The following MEOX2 variants were observed in gnomAD, a reference collection of about 807,000 sequenced individuals.
MEOX2 encodes the protein homeobox protein MOX-2.
A neutral mutation model predicts 27.0 loss-of-function variants in MEOX2; 11 were observed. The ratio of observed to expected loss-of-function variants is 0.41; its 90% CI spans 0.26 to 0.68. The LOEUF (loss-of-function observed/expected upper bound fraction) is 0.68, where lower values mean the gene tolerates loss of function less well. Among genes scored for constraint, MEOX2 ranks in the 30% least tolerant of loss-of-function variants. The pLI, the probability that MEOX2 is intolerant of heterozygous loss-of-function variation, is 0.33. For missense variants in MEOX2, 436 were observed against 385.4 expected (o/e 1.13, Z -1.10); for synonymous variants, 189 against 155.4 (o/e 1.22, Z -1.61).
At chr7:15,626,115 T>C (rs1184687271) in intron 2 of MEOX2, among the ~76,000 whole-genome samples, 1 of 152,106 alleles carries the variant, frequency 6.6e-6, no homozygotes, top group Admixed American at 6.6e-5. Flanking sequence ...TAAATAGAAG[T>C]GACATGGCTA....
At position 15,627,703 on chromosome 7, in the gene MEOX2, T is replaced by C. The variant is rs145692220; in HGVS notation, c.518-785A>G. On this transcript the variant is annotated intron_variant, in intron 1 of 2. Coordinates refer to ENST00000262041, the MANE Select transcript of MEOX2 (RefSeq NM_005924.5). ...TCCATTTTTCCTCTTAAGGGTTCAA[T>C]ACATAACTAACGTATAGAATTTCTT... 7.3e-4 allele frequency among the ~76,000 whole-genome samples: 111 copies of C among 152,042 alleles called. No homozygotes were observed. The South Asian group carries it at 0.01, about 14-fold the overall frequency.
At chr7:15,642,921 T>C (rs901351710) in intron 1 of MEOX2, among the ~76,000 whole-genome samples, 1 of 152,126 alleles carries the variant, frequency 6.6e-6, no homozygotes, top group African/African-American at 2.4e-5. Flanking sequence ...TAAGCGCTAT[T>C]TGTTTGTACG....
intron 1 of MEOX2, among the ~76,000 whole-genome samples, chr7:15,633,582 CTT>C (rs1562599888): frequency 6.6e-6 from 1 of 151,906 alleles, no homozygotes; most frequent in Admixed American, 6.6e-5. Context: ...AACAGGAAAA[CTT>C]CCATGGAGTT....
intron 1 of MEOX2, among the ~76,000 whole-genome samples, chr7:15,657,005 ATGT>A (rs916297895): frequency 5.3e-5 from 8 of 152,076 alleles, no homozygotes; most frequent in Non-Finnish European, 1.0e-4. Context: ...CACTTGGAAA[ATGT>A]TGTACTACTT....
intron 2 of MEOX2, 38 bp from the exon 3 acceptor site, chr7:15,612,649 GA>G: frequency 1.3e-6 from 2 of 1,576,904 alleles, no homozygotes; most frequent in Non-Finnish European, 1.7e-6. Flanking sequence ...CAGAAAAAAA[GA>G]GATAATTAAA....
chr7:15,637,273 T>C (rs1781493360), intron 1 of MEOX2, among the ~76,000 whole-genome samples: 1 of 152,032 alleles, frequency 6.6e-6, no homozygotes, highest in Admixed American at 6.6e-5. Context: ...TTACAGATAA[T>C]CCTTGGGTTG....
At chr7:15,667,427 A>G (rs1782027550) in intron 1 of MEOX2, among the ~76,000 whole-genome samples, 1 of 151,950 alleles carries the variant, frequency 6.6e-6, no homozygotes, top group Non-Finnish European at 1.5e-5. Context: ...CCTCTGTCAC[A>G]GATTGTCACC....
chr7:15,637,084 T>C (rs1047715943), intron 1 of MEOX2, among the ~76,000 whole-genome samples: 1 of 152,098 alleles, frequency 6.6e-6, no homozygotes, highest in Non-Finnish European at 1.5e-5. Flanking sequence ...AATATTCTGT[T>C]GGGTAAATTA....
At chr7:15,632,626 G>A (rs1424562165) in intron 1 of MEOX2, among the ~76,000 whole-genome samples, 4 of 151,816 alleles carry the variant, frequency 2.6e-5, no homozygotes, top group Non-Finnish European at 1.5e-5. Flanking sequence ...AAAGGCCAGA[G>A]ACACATAAAA....
At chr7:15,679,216 T>C (rs553174930) in intron 1 of MEOX2, 1 of 152,196 alleles carries the variant, frequency 6.6e-6, no homozygotes, top group South Asian at 2.1e-4. Flanking sequence ...TGCATATACC[T>C]ATATATGTAT....
chr7:15,613,557 T>A (rs1404079228), intron 2 of MEOX2, among the ~76,000 whole-genome samples: 1 of 152,116 alleles, frequency 6.6e-6, no homozygotes, highest in East Asian at 1.9e-4. Context: ...ATTGTATTTC[T>A]CTGTCTACCC....
intron 1 of MEOX2, among the ~76,000 whole-genome samples, chr7:15,646,458 T>C (rs573905637): frequency 6.6e-6 from 1 of 152,034 alleles, no homozygotes; most frequent in South Asian, 2.1e-4. Context: ...GAGATCCTCT[T>C]TGTAACATAC....
rs1208884092 is a variant in MEOX2, at chr7:15,626,895, A to C, written c.541T>G (p.Ser181Ala). 4 of 1,612,026 alleles carry C rather than the reference A, an allele frequency of 2.5e-6. No homozygotes were observed. The highest frequency in any genetic ancestry group is 2.2e-5 in the East Asian group (1 of 44,812). Residue 181 changes from serine (S) to alanine (A), a missense_variant, in exon 2 of 3, where the codon TCA (serine) becomes GCA (alanine). Physicochemically the swap from Ser to Ala is moderately conservative, Grantham distance 99. Transcript: ENST00000262041. The stretch of plus-strand genomic sequence containing the variant: ...TTCCTGGGTTTGCTGTTGACTTCTG[A>C]CTTGTAATTTCCTTCCTGGGAGTCT... Reference protein sequence around the residue: ...SSDSQEGNYKSEVNSKPRKER... With the variant: ...SSDSQEGNYKAEVNSKPRKER...
intron 1 of MEOX2, among the ~76,000 whole-genome samples, chr7:15,642,682 G>T (rs1459870703): frequency 6.6e-6 from 1 of 152,182 alleles, no homozygotes; most frequent in African/African-American, 2.4e-5. Context: ...AGAGCATTCT[G>T]TTTCTTCATG....
chr7:15,663,814 G>A (rs568235092), intron 1 of MEOX2, among the ~76,000 whole-genome samples: 91 of 152,206 alleles, frequency 6.0e-4, no homozygotes, highest in African/African-American at 1.9e-3. Flanking sequence ...ATCATAGCTC[G>A]TAGTAATAGC....
intron 1 of MEOX2, among the ~76,000 whole-genome samples, chr7:15,666,441 T>C (rs886548089): frequency 1.3e-5 from 2 of 152,140 alleles, no homozygotes; most frequent in African/African-American, 2.4e-5. Context: ...TCACAAACCT[T>C]GGTGCATGAG....
Position 15,686,259 on chromosome 7 carries a change from G to C in MEOX2, c.144C>G (p.Cys48Trp). The C allele has an allele frequency of 6.2e-7, 1 of 1,613,084 alleles. No individual in the cohort carries two copies. Among genetic ancestry groups the C allele is most frequent in the Non-Finnish European group, 8.5e-7 (1 of 1,179,554 alleles). The part of the protein sequence containing the change: ...YPELSTSSSS[C>W]IIAGYPNEEG... ...CTTCGTTGGGGTATCCCGCGATTATGCAAGATGAGGAAGAAGTAGAGAGCT... is the reference window on the plus strand; with the variant it reads ...CTTCGTTGGGGTATCCCGCGATTATCCAAGATGAGGAAGAAGTAGAGAGCT... The change falls in exon 1 of 3, where the codon TGC (cysteine) becomes TGG (tryptophan). Residue 48 changes from cysteine (C) to tryptophan (W), a missense_variant. Cys to Trp is a radical substitution (Grantham distance 215). Coordinates refer to ENST00000262041, the MANE Select transcript of MEOX2 (RefSeq NM_005924.5).
chr7:15,641,906 T>G (rs1781567468), intron 1 of MEOX2, among the ~76,000 whole-genome samples: 1 of 152,128 alleles, frequency 6.6e-6, no homozygotes, highest in Non-Finnish European at 1.5e-5. Flanking sequence ...AATTTTTTGT[T>G]GCCATTCGAA....
At chr7:15,644,875 G>A (rs935660003) in intron 1 of MEOX2, among the ~76,000 whole-genome samples, 4 of 152,126 alleles carry the variant, frequency 2.6e-5, no homozygotes, top group Admixed American at 6.5e-5. Context: ...AGTAAGCTAA[G>A]GTGACTTCAA....
Sources: allele counts gnomAD v4.1 joint callset (sites outside exome capture counted in the v4.1 genomes callset), GRCh38; gene constraint gnomAD v4.1.1; transcripts MANE v1.5; gene names NCBI Gene and HGNC (gene_info 2026-07-23, HGNC 2026-07-21).